MACROD2: variants seen among roughly 807,000 people sequenced by gnomAD.
MACROD2 encodes the protein ADP-ribose glycohydrolase MACROD2.
In MACROD2, 36 loss-of-function variants were observed where a neutral mutation model predicts 70.4. The observed-to-expected ratio is 0.51, with a 90% CI of 0.39 to 0.68. The LOEUF is 0.68. Among genes scored for constraint, MACROD2 ranks in the 30% least tolerant of loss-of-function variants. The pLI, the probability that MACROD2 is intolerant of heterozygous loss-of-function variation, is 0.00. For synonymous variants in MACROD2, 172 were observed against 178.8 expected, an observed-to-expected ratio of 0.96 and a Z score of 0.30; for missense variants, 496 against 538.4, an observed-to-expected ratio of 0.92 and a Z score of 0.78.
chr20:14,201,285 T>C (rs1452327280), intron 3 of MACROD2, among the ~76,000 whole-genome samples: 1 of 152,222 alleles, frequency 6.6e-6, no homozygotes, highest in Non-Finnish European at 1.5e-5. Flanking sequence ...GGATAATCTA[T>C]AAACTATGCA....
chr20:15,993,295 G>A (rs2066583735), intron 15 of MACROD2, among the ~76,000 whole-genome samples: 2 of 151,008 alleles, frequency 1.3e-5, no homozygotes, highest in South Asian at 4.2e-4. Context: ...CATCTATACA[G>A]TGACATTTTA....
At chr20:14,049,191 A>AAAAAAC (rs2053526141) in intron 2 of MACROD2, among the ~76,000 whole-genome samples, 6 of 150,630 alleles carry the variant, frequency 4.0e-5, no homozygotes, top group Middle Eastern at 3.4e-3. Flanking sequence ...AAAAAAAAAC[A>AAAAAAC]AAAAAACAAA....
intron 5 of MACROD2, among the ~76,000 whole-genome samples, chr20:15,087,985 G>A (rs2075761336): frequency 6.6e-6 from 1 of 151,498 alleles, no homozygotes; most frequent in Non-Finnish European, 1.5e-5. Flanking sequence ...TCATAAATTG[G>A]GAAAAAATTA....
At chr20:14,566,698 C>A (rs1465591614) in intron 4 of MACROD2, 1 of 151,912 alleles carries the variant, frequency 6.6e-6, no homozygotes, top group Non-Finnish European at 1.5e-5. Context: ...ATTATGGCCT[C>A]TCCCTGAGGA....
At chr20:15,282,026 G>A (rs541267557) in intron 6 of MACROD2, among the ~76,000 whole-genome samples, 3 of 152,344 alleles carry the variant, frequency 2.0e-5, no homozygotes, top group East Asian at 3.9e-4. Flanking sequence ...TTCCAACCAA[G>A]GCTTGGGGCT....
At chr20:16,013,687 A>T (rs553018759) in intron 15 of MACROD2, among the ~76,000 whole-genome samples, 1 of 152,286 alleles carries the variant, frequency 6.6e-6, no homozygotes, top group East Asian at 1.9e-4. Flanking sequence ...TGCTATATTT[A>T]TTGTCTTTTA....
At chr20:15,755,134 C>T (rs933167542) in intron 8 of MACROD2, among the ~76,000 whole-genome samples, 9 of 152,186 alleles carry the variant, frequency 5.9e-5, no homozygotes, top group African/African-American at 2.2e-4. Context: ...GCTGAAATTA[C>T]AGGCATGAGC....
At chr20:15,862,138 A>G (rs371060781) in intron 8 of MACROD2, among the ~76,000 whole-genome samples, 1 of 152,202 alleles carries the variant, frequency 6.6e-6, no homozygotes, top group Non-Finnish European at 1.5e-5. Flanking sequence ...GCATTTACTT[A>G]TTCAATAATA....
intron 5 of MACROD2, among the ~76,000 whole-genome samples, chr20:14,831,927 G>A (rs1387695657): frequency 7.2e-6 from 1 of 138,448 alleles, no homozygotes; most frequent in Non-Finnish European, 1.6e-5. Flanking sequence ...TGTTCTTGGG[G>A]ATGCATTCTG....
At chr20:14,699,440 A>G (rs937129098) in intron 5 of MACROD2, among the ~76,000 whole-genome samples, 2 of 152,164 alleles carry the variant, frequency 1.3e-5, no homozygotes, top group African/African-American at 4.8e-5. Context: ...TACAAATAGA[A>G]TGCTAGGGAC....
In MACROD2 at chr20:14,343,055, G is replaced by A. The variant is rs191949467; in HGVS notation, c.272-150424G>A. ...TCAGAATAAGCTAGTAAAAGTCACG[G>A]GGTGTGGCAGTAGCTGGTGCAAAAC... On this transcript the variant is annotated intron_variant, in intron 3 of 17. Transcript: ENST00000684519. Among the ~76,000 whole-genome samples the A allele has an allele frequency of 2.0e-5, 3 of 152,098 alleles. No individual in the cohort carries two copies. In the East Asian group the frequency reaches 5.8e-4, roughly 29 times the overall value.
intron 5 of MACROD2, among the ~76,000 whole-genome samples, chr20:15,157,349 A>ACC (rs71870874): frequency 5.2e-4 from 57 of 109,376 alleles, no homozygotes; most frequent in South Asian, 2.1e-3. Flanking sequence ...CTAATTAACC[A>ACC]CCCCCCCCCA....
At chr20:15,110,457 G>A (rs1489711276) in intron 5 of MACROD2, among the ~76,000 whole-genome samples, 1 of 152,100 alleles carries the variant, frequency 6.6e-6, no homozygotes, top group African/African-American at 2.4e-5. Context: ...CCAGAGGCTG[G>A]GTGAAGGGAG....
In MACROD2 at chr20:15,829,775, G is replaced by C. The variant is rs73898520; in HGVS notation, c.646-32970G>C. ...AGGGTGGCAAGCAGTGGACATAACA[G>C]GTGAATGAAAAATTGCAAAACAATA... On this transcript the variant is annotated intron_variant, in intron 8 of 17. Transcript: ENST00000684519. Among the ~76,000 whole-genome samples, 907 of 152,264 alleles carry C rather than the reference G, an allele frequency of 6.0e-3. 12 individuals are homozygous for C. The highest frequency in any genetic ancestry group is 0.051 in the Middle Eastern group (15 of 294).
chr20:14,334,805 T>G (rs901688565), intron 3 of MACROD2, among the ~76,000 whole-genome samples: 29 of 151,992 alleles, frequency 1.9e-4, no homozygotes, highest in African/African-American at 7.0e-4. Context: ...CTTTTTTTTT[T>G]TAAATAAATG....
intron 6 of MACROD2, among the ~76,000 whole-genome samples, chr20:15,403,704 T>C (rs1413626544): frequency 2.6e-5 from 4 of 152,146 alleles, no homozygotes; most frequent in East Asian, 1.9e-4. Context: ...ATATGAGCAG[T>C]TGCCCTGATT....
intron 5 of MACROD2, among the ~76,000 whole-genome samples, chr20:14,814,851 G>A (rs1286211733): frequency 6.6e-6 from 1 of 151,950 alleles, no homozygotes; most frequent in East Asian, 1.9e-4. Flanking sequence ...AGAGACCACA[G>A]AAGAGGAAGC....
At chr20:15,397,567 G>C (rs2045876223) in intron 6 of MACROD2, among the ~76,000 whole-genome samples, 1 of 152,172 alleles carries the variant, frequency 6.6e-6, no homozygotes, top group Non-Finnish European at 1.5e-5. Context: ...TCAAAGTTGG[G>C]ATTACAGGTG....
At chr20:14,324,181 A>C (rs1181295227) in intron 3 of MACROD2, 1 of 152,592 alleles carries the variant, frequency 6.6e-6, no homozygotes, top group Non-Finnish European at 1.5e-5. Context: ...TTTCATATTT[A>C]AGGAGTATGA....
Sources: gnomAD v4.1 joint callset for allele counts (sites outside exome capture counted in the v4.1 genomes callset) on GRCh38, gnomAD v4.1.1 for gene constraint, MANE v1.5 for transcripts, NCBI Gene and HGNC (gene_info 2026-07-23, HGNC 2026-07-21) for gene names.